The following RAB8B variants were observed in gnomAD, a reference collection of about 807,000 sequenced individuals.
RAB8B encodes ras-related protein Rab-8B.
Under a neutral mutation model 32.0 loss-of-function variants are expected in RAB8B, and 11 were observed. The ratio of observed to expected loss-of-function variants is 0.34; its 90% CI spans 0.22 to 0.57. The LOEUF (loss-of-function observed/expected upper bound fraction) is 0.57, where lower values mean the gene tolerates loss of function less well. Among genes scored for constraint, RAB8B ranks in the 20% least tolerant of loss-of-function variants. RAB8B has a pLI of 0.86. For missense variants in RAB8B, 190 were observed against 258.5 expected (o/e 0.73, Z 1.82); for synonymous variants, 103 against 89.6 (o/e 1.15, Z -0.85).
chr15:63,243,527 T>TA (rs1408202276), intron 1 of RAB8B, among the ~76,000 whole-genome samples: 1 of 152,036 alleles, frequency 6.6e-6, no homozygotes. Flanking sequence ...TGGGGGGAAA[T>TA]ACGTGAGGGA....
In RAB8B at chr15:63,189,606, A is replaced by T. The variant is rs759281817; in HGVS notation, c.-19A>T. On this transcript the variant is annotated 5_prime_UTR_variant, in exon 1 of 8. Transcript: ENST00000321437. ...CACCGCCTCCTCTGGCTCCCCGGTC[A>T]GAGGGCCGGAGCGAGAAGATGGCGA... 18 of 1,611,130 alleles carry T rather than the reference A, an allele frequency of 1.1e-5. No individual in the cohort carries two copies. The highest frequency in any genetic ancestry group is 1.5e-5 in the Non-Finnish European group (18 of 1,178,536).
rs773584308 is a variant in RAB8B at position 63,256,576 on chromosome 15, A to C, written c.396A>C (p.Ser132=). ...ATATGAATGACAAAAGACAAGTGTC[A>C]AAAGAAAGAGGGGAGAAGGTAAATG... is the stretch of plus-strand genomic sequence containing the variant. ...KCDMNDKRQV[S]KERGEKLAID... The change falls in exon 5 of 8, where the codon TCA becomes TCC. Residue 132 remains serine, a synonymous_variant. Coordinates refer to ENST00000321437, the MANE Select transcript of RAB8B (RefSeq NM_016530.3). 9 of 1,601,922 alleles carry C rather than the reference A, an allele frequency of 5.6e-6. No individual in the cohort carries two copies. The highest frequency in any genetic ancestry group is 7.7e-6 in the Non-Finnish European group (9 of 1,174,820).
At chr15:63,233,567 A>G (rs1331525860) in intron 1 of RAB8B, among the ~76,000 whole-genome samples, 4 of 152,274 alleles carry the variant, frequency 2.6e-5, no homozygotes, top group Non-Finnish European at 4.4e-5. Flanking sequence ...CAAAAAAAGC[A>G]TAAGCAAAAT....
intron 1 of RAB8B, among the ~76,000 whole-genome samples, chr15:63,211,124 G>A (rs572164556): frequency 2.7e-4 from 41 of 152,356 alleles, no homozygotes; most frequent in African/African-American, 9.6e-4. Context: ...CGTCTTATCT[G>A]CAAAAACCCA....
At chr15:63,253,652 A>G (rs149377828) in intron 3 of RAB8B, among the ~76,000 whole-genome samples, 368 of 152,064 alleles carry the variant, frequency 2.4e-3, no homozygotes, top group Middle Eastern at 0.024. Flanking sequence ...CCTCATCTCT[A>G]AAAAAAAGAA....
chr15:63,198,066 T>C (rs1221995466), intron 1 of RAB8B, among the ~76,000 whole-genome samples: 1 of 152,210 alleles, frequency 6.6e-6, no homozygotes, highest in Non-Finnish European at 1.5e-5. Context: ...ATTTTTCTTA[T>C]TTCAAGTTGA....
At position 63,261,713 on chromosome 15, in the gene RAB8B, G is replaced by A. The variant is rs74410751; in HGVS notation, c.481-979G>A. Among the ~76,000 whole-genome samples, 569 of 152,260 alleles carry A rather than the reference G, an allele frequency of 3.7e-3. 24 individuals are homozygous for A. The East Asian group carries it at 0.092, about 25-fold the overall frequency. On this transcript the variant is annotated intron_variant, in intron 6 of 7. Coordinates refer to ENST00000321437, the MANE Select transcript of RAB8B (RefSeq NM_016530.3). ...ACAATGAGTAATAATAGTAGTTGTC[G>A]TATTGTTTTTATTTGATTGGATTGG...
chr15:63,237,077 T>G (rs1051448751), intron 1 of RAB8B, among the ~76,000 whole-genome samples: 3 of 152,236 alleles, frequency 2.0e-5, no homozygotes, highest in African/African-American at 7.2e-5. Context: ...AATGACAGGA[T>G]CTCATTCTTT....
chr15:63,203,889 G>A (rs1340207538), intron 1 of RAB8B, among the ~76,000 whole-genome samples: 16 of 152,128 alleles, frequency 1.1e-4, no homozygotes, highest in Admixed American at 9.8e-4. Flanking sequence ...CTTCAGGGAG[G>A]TGGTATGGTG....
rs2038221267 is a variant in RAB8B at position 63,263,799 on chromosome 15, A to G, written c.*180A>G. ...GCCTCATGGCCTAGCAAAAGAACAG[A>G]CTCCCTTTTTCAAACATGGAAGCAA... On this transcript the variant is annotated 3_prime_UTR_variant, in exon 8 of 8. Transcript: ENST00000321437. The G allele has an allele frequency of 8.1e-6, 4 of 495,454 alleles. No individual in the cohort carries two copies. The South Asian group carries it at 1.5e-4, about 19-fold the overall frequency. 30.7% of individuals were successfully genotyped at this position (495,454 alleles called of 1,614,324 possible).
At chr15:63,227,417 GT>G (rs1340731070) in intron 1 of RAB8B, among the ~76,000 whole-genome samples, 3 of 147,660 alleles carry the variant, frequency 2.0e-5, no homozygotes, top group Non-Finnish European at 4.5e-5. Context: ...GAATAGTTCT[GT>G]TTTTGTTTTT....
At chr15:63,244,523 A>G (rs2152576797) in intron 1 of RAB8B, among the ~76,000 whole-genome samples, 1 of 152,326 alleles carries the variant, frequency 6.6e-6, no homozygotes, top group African/African-American at 2.4e-5. Context: ...TTTGTGTCAG[A>G]ATAATGAGGC....
intron 1 of RAB8B, among the ~76,000 whole-genome samples, chr15:63,240,419 C>CT (rs1196093077): frequency 6.6e-6 from 1 of 152,058 alleles, no homozygotes; most frequent in African/African-American, 2.4e-5. Flanking sequence ...TCCTGTCAAC[C>CT]TTTTTTTATG....
rs150645119 is a variant in RAB8B at position 63,224,497 on chromosome 15, C to T, written c.125-20259C>T. 1.4e-4 allele frequency among the ~76,000 whole-genome samples: 22 copies of T among 152,172 alleles called. No homozygotes were observed. In the East Asian group the frequency reaches 4.3e-3, roughly 29 times the overall value. ...ATGAGTGGAAAATTACCTAATTGCC[C>T]CATCTCCTTAACATCTCTTATTTTG... On this transcript the variant is annotated intron_variant, in intron 1 of 7. Coordinates refer to ENST00000321437, the MANE Select transcript of RAB8B (RefSeq NM_016530.3).
At chr15:63,217,657 T>A (rs900401056) in intron 1 of RAB8B, among the ~76,000 whole-genome samples, 1 of 152,258 alleles carries the variant, frequency 6.6e-6, no homozygotes, top group South Asian at 2.1e-4. Flanking sequence ...GTGGTTTCCA[T>A]GCTGTATAAT....
chr15:63,195,466 T>C (rs970281620), intron 1 of RAB8B, among the ~76,000 whole-genome samples: 3 of 152,246 alleles, frequency 2.0e-5, no homozygotes, highest in African/African-American at 7.2e-5. Flanking sequence ...GGAGGTTCTC[T>C]TGGCAACAGC....
chr15:63,262,789 C>A, intron 7 of RAB8B, 47 bp downstream of exon 7: 1 of 1,011,552 alleles, frequency 9.9e-7, no homozygotes, highest in Non-Finnish European at 1.4e-6. Context: ...GTCTGTTTGG[C>A]ATTTGATGAA....
Position 63,266,703 on chromosome 15 carries a change from A to G in RAB8B, c.*3084A>G, listed in dbSNP as rs1449769922. 6.6e-6 allele frequency: 1 copy of G among 152,562 alleles called. No homozygotes were observed. Among genetic ancestry groups the G allele is most frequent in the Non-Finnish European group, 1.5e-5 (1 of 68,000 alleles). The allele number at this position is 152,562 out of a possible 1,614,324, so 9.5% of individuals were successfully genotyped here. A position where few individuals can be genotyped will look rare whatever the true frequency, so the allele number is the denominator to read the frequency against. ...TACATGTCATATCCAGTAGCATAAA[A>G]AAAGTATTATCTCCCTGTCTCCATT... On this transcript the variant is annotated 3_prime_UTR_variant, in exon 8 of 8. Coordinates refer to ENST00000321437, the MANE Select transcript of RAB8B (RefSeq NM_016530.3).
At chr15:63,206,091 G>T (rs1054847123) in intron 1 of RAB8B, among the ~76,000 whole-genome samples, 2 of 152,164 alleles carry the variant, frequency 1.3e-5, no homozygotes, top group Non-Finnish European at 1.5e-5. Flanking sequence ...TGACTCTTGG[G>T]TCCCTGCAGT....
Sources: allele counts gnomAD v4.1 joint callset (sites outside exome capture counted in the v4.1 genomes callset), GRCh38; gene constraint gnomAD v4.1.1; transcripts MANE v1.5; gene names NCBI Gene and HGNC (gene_info 2026-07-23, HGNC 2026-07-21).